INTS8: variants seen among roughly 807,000 people sequenced by gnomAD.
INTS8 encodes integrator complex subunit 8, also known as protein kaonashi-1.
In INTS8, 47 loss-of-function variants were observed where a neutral mutation model predicts 138.9. The ratio of observed to expected loss-of-function variants is 0.34; its 90% CI spans 0.27 to 0.43. The LOEUF is 0.43. Among genes scored for constraint, INTS8 ranks in the 20% least tolerant of loss-of-function variants. The pLI, the probability that INTS8 is intolerant of heterozygous loss-of-function variation, is 1.00. For missense variants in INTS8, 996 were observed against 1,173.0 expected, an observed-to-expected ratio of 0.85 and a Z score of 2.20; for synonymous variants, 392 against 400.9, an observed-to-expected ratio of 0.98 and a Z score of 0.27.
chr8:94,870,076 G>A (rs985452870), intron 20 of INTS8, among the ~76,000 whole-genome samples: 16 of 151,142 alleles, frequency 1.1e-4, no homozygotes, highest in Admixed American at 4.0e-4. Flanking sequence ...TTTTGAGATG[G>A]AGTCTTGCTA....
chr8:94,831,085 C>T (rs1304098321), intron 5 of INTS8, among the ~76,000 whole-genome samples: 3 of 151,322 alleles, frequency 2.0e-5, no homozygotes, highest in South Asian at 2.1e-4. Flanking sequence ...TGTGAGCCAC[C>T]GTGCCTGGCC....
Position 94,876,120 on chromosome 8 carries a change from C to T in INTS8, c.2735C>T (p.Ala912Val), listed in dbSNP as rs752848840. 8.1e-6 allele frequency: 13 copies of T among 1,610,178 alleles called. No homozygotes were observed. Among genetic ancestry groups the T allele is most frequent in the African/African-American group, 2.7e-5 (2 of 74,816 alleles). ...CTCAGAGAAATTGACTACAAAACAG[C>T]GTTTAAATCTCTGCAAGAACAAAAC... is the stretch of plus-strand genomic sequence containing the variant. The part of the protein sequence containing the change: ...QFLREIDYKT[A>V]FKSLQEQNSH... Residue 912 changes from alanine to valine, a missense_variant, in exon 24 of 27, where the codon GCG becomes GTG. Physicochemically the swap from Ala to Val is moderately conservative, Grantham distance 64 (BLOSUM62 0). Coordinates refer to ENST00000523731, the MANE Select transcript of INTS8 (RefSeq NM_017864.4).
At chr8:94,878,310 CT>C (rs1816638885) in intron 26 of INTS8, among the ~76,000 whole-genome samples, 1 of 152,214 alleles carries the variant, frequency 6.6e-6, no homozygotes, top group Admixed American at 6.5e-5. Context: ...TGTCCTCTCT[CT>C]ACCTTTTCCA....
At chr8:94,857,329 C>G (rs533153387) in intron 15 of INTS8, among the ~76,000 whole-genome samples, 3 of 152,180 alleles carry the variant, frequency 2.0e-5, no homozygotes, top group Admixed American at 1.3e-4. Context: ...TCCTCGCCCT[C>G]CCAAAGTGCT....
chr8:94,876,928 ATC>A (rs1816584679), intron 26 of INTS8, among the ~76,000 whole-genome samples: 2 of 152,108 alleles, frequency 1.3e-5, no homozygotes, highest in African/African-American at 4.8e-5. Flanking sequence ...CTTCCCTCAG[ATC>A]TCTCGTCAAT....
intron 8 of INTS8, among the ~76,000 whole-genome samples, chr8:94,839,512 T>C (rs1815057602): frequency 1.3e-5 from 2 of 152,188 alleles, no homozygotes; most frequent in Non-Finnish European, 2.9e-5. Flanking sequence ...TAGGGGTTTT[T>C]TTGTTTTTCA....
chr8:94,854,796 A>G (rs1257510538), intron 14 of INTS8, among the ~76,000 whole-genome samples: 1 of 152,250 alleles, frequency 6.6e-6, no homozygotes, highest in African/African-American at 2.4e-5. Context: ...CAGTGGCATG[A>G]TCATGGCTCA....
At chr8:94,871,448 A>C (rs1242397033) in intron 20 of INTS8, among the ~76,000 whole-genome samples, 1 of 152,084 alleles carries the variant, frequency 6.6e-6, no homozygotes, top group African/African-American at 2.4e-5. Context: ...ACCGCACTCC[A>C]ACCTGGGCGA....
At chr8:94,852,381 G>A (rs1309017987) in intron 13 of INTS8, among the ~76,000 whole-genome samples, 1 of 152,098 alleles carries the variant, frequency 6.6e-6, no homozygotes, top group Non-Finnish European at 1.5e-5. Flanking sequence ...CTGTTTCTGA[G>A]TTTATCTATT....
At chr8:94,830,946 C>G (rs1028773437) in intron 5 of INTS8, among the ~76,000 whole-genome samples, 5 of 151,284 alleles carry the variant, frequency 3.3e-5, no homozygotes, top group Non-Finnish European at 7.4e-5. Flanking sequence ...TATAGGCGTG[C>G]TCCACCATGC....
chr8:94,827,431 G>C, intron 3 of INTS8, 28 bp downstream of exon 3: 1 of 1,611,152 alleles, frequency 6.2e-7, no homozygotes, highest in Non-Finnish European at 8.5e-7. Flanking sequence ...CTCAGAAGGC[G>C]TTGGGCAACC....
intron 6 of INTS8, among the ~76,000 whole-genome samples, chr8:94,834,888 A>G (rs1363398207): frequency 6.6e-6 from 1 of 152,182 alleles, no homozygotes; most frequent in Non-Finnish European, 1.5e-5. Flanking sequence ...GGAGTTTGGA[A>G]GAGGAGTAAG....
At position 94,867,172 on chromosome 8, in the gene INTS8, C is replaced by T. The variant is rs550295283; in HGVS notation, c.2328C>T (p.Leu776=). ...EPLVLTIILS[L]FVKLHNVRED... ...TCGTTTTGACTATTATTTTATCACT[C>T]TTTGTGAAACTTCACAATGTTCGGG... is the stretch of plus-strand genomic sequence containing the variant. Residue 776 remains leucine (L), a synonymous_variant, in exon 19 of 27, where the codon CTC becomes CTT. Transcript: ENST00000523731. The T allele has an allele frequency of 1.9e-6, 3 of 1,610,218 alleles. No individual in the cohort carries two copies. Among genetic ancestry groups the T allele is most frequent in the African/African-American group, 2.7e-5 (2 of 74,874 alleles).
At chr8:94,866,415 T>A in intron 18 of INTS8, 1 of 506,342 alleles carries the variant, frequency 2.0e-6, no homozygotes, top group Non-Finnish European at 3.7e-6. Context: ...GCCTCAGCTT[T>A]CTGAGGAACT....
rs904121336 is a variant in INTS8, at chr8:94,865,508, T to C, written c.2079T>C (p.Leu693=). 1.2e-6 allele frequency: 2 copies of C among 1,612,704 alleles called. No homozygotes were observed. Among genetic ancestry groups the C allele is most frequent in the Non-Finnish European group, 8.5e-7 (1 of 1,179,126 alleles). The part of the protein sequence containing the change: ...FLLQSNPYVK[L]GQLLAATCKE... ...GTATTTTGTTTTTCATGTTATAGCT[T>C]GGACAGCTTTTAGCAGCTACATGCA... Residue 693 remains leucine, a splice_region_variant and synonymous_variant, in exon 17 of 27, where the codon CTT becomes CTC. Transcript: ENST00000523731.
chr8:94,865,414 A>C, intron 16 of INTS8, 92 bp from the exon 17 acceptor site: 2 of 1,009,468 alleles, frequency 2.0e-6, no homozygotes, highest in Non-Finnish European at 3.0e-6. Flanking sequence ...TTGGGCAGTC[A>C]TTCCATCTTT....
Position 94,856,995 on chromosome 8 carries a change from A to T in INTS8, c.1954+17A>T. ...GGCTTCCTGGTAAGACTGGTTCACA[A>T]AGACAAATTTCAGAAACTCAGTACT... On this transcript the variant is annotated intron_variant, in intron 15 of 26. Coordinates refer to ENST00000523731, the MANE Select transcript of INTS8 (RefSeq NM_017864.4). 1 of 1,597,716 alleles carries T rather than the reference A, an allele frequency of 6.3e-7. No individual in the cohort carries two copies. The highest frequency in any genetic ancestry group is 8.6e-7 in the Non-Finnish European group (1 of 1,166,862).
At chr8:94,847,858 A>T (rs1815386582) in intron 10 of INTS8, among the ~76,000 whole-genome samples, 1 of 152,174 alleles carries the variant, frequency 6.6e-6, no homozygotes, top group African/African-American at 2.4e-5. Flanking sequence ...GATATTTATT[A>T]CTCACCATAA....
intron 16 of INTS8, 22 bp downstream of exon 16, chr8:94,859,654 G>T (rs1815880307): frequency 1.3e-6 from 2 of 1,568,660 alleles, no homozygotes; most frequent in African/African-American, 1.4e-5. Flanking sequence ...TTAAATAAAA[G>T]GATTGTTAGG....
Sources: allele counts gnomAD v4.1 joint callset (sites outside exome capture counted in the v4.1 genomes callset), GRCh38; gene constraint gnomAD v4.1.1; transcripts MANE v1.5; gene names NCBI Gene and HGNC (gene_info 2026-07-23, HGNC 2026-07-21).